The following KCNAB2 variants were observed in gnomAD, a reference collection of about 807,000 sequenced individuals.
The protein encoded by KCNAB2 is voltage-gated potassium channel subunit beta-2.
A neutral mutation model predicts 63.6 loss-of-function variants in KCNAB2; 29 were observed. The observed-to-expected ratio is 0.46, with a 90% CI of 0.34 to 0.62. KCNAB2 has a LOEUF of 0.62. Ranked by LOEUF, KCNAB2 falls within the 20% of genes least tolerant of loss-of-function variation. KCNAB2 has a pLI of 0.01. For missense variants in KCNAB2, 359 were observed against 563.9 expected, an observed-to-expected ratio of 0.64 and a Z score of 3.68; for synonymous variants, 222 against 224.2, an observed-to-expected ratio of 0.99 and a Z score of 0.09.
intron 1 of KCNAB2, chr1:6,026,272 G>T (rs539173172): frequency 1.1e-4 from 16 of 152,222 alleles, no homozygotes; most frequent in Admixed American, 1.0e-3. Flanking sequence ...GGGCCCTGGC[G>T]CGCCAGGCTT....
rs922736222 is a variant in KCNAB2 at position 6,051,754 on chromosome 1, G to C, written c.218G>C (p.Arg73Pro). The C allele has an allele frequency of 1.3e-6, 2 of 1,528,816 alleles. No homozygotes were observed. The highest frequency in any genetic ancestry group is 2.0e-5 in the Admixed American group (1 of 50,838). The allele number at this position is 1,528,816 out of a possible 1,614,324, so 94.7% of individuals were successfully genotyped here. A position where few individuals can be genotyped will look rare whatever the true frequency, so the allele number is the denominator to read the frequency against. The stretch of plus-strand genomic sequence containing the variant: ...GCCCAGCGCACAGGCATGAAGTATC[G>C]GTAAGGGCCGGGCAGGGGGGCGGTG... The part of the protein sequence containing the change: ...CTAQRTGMKY[R>P]NLGKSGLRVS... Residue 73 changes from arginine (R) to proline (P), a missense_variant and splice_region_variant, in exon 2 of 16, where the codon CGG (arginine) becomes CCG (proline). Around this residue, in one of 2 missense-constraint regions of KCNAB2, gnomAD observed 271 missense variants for 476.1 expected, o/e 0.57. Coordinates refer to ENST00000378083, the MANE Select transcript of KCNAB2 (RefSeq NM_001199862.2).
At chr1:6,044,795 A>T (rs543403391), upstream of KCNAB2, among the ~76,000 whole-genome samples, 22 of 152,302 alleles carry the variant, frequency 1.4e-4, no homozygotes, top group African/African-American at 4.8e-4. Flanking sequence ...GAGCTCCAGG[A>T]ACTGCACAGA....
chr1:6,050,749 A>G (rs1021567626), intron 1 of KCNAB2, among the ~76,000 whole-genome samples: 1 of 152,230 alleles, frequency 6.6e-6, no homozygotes, highest in African/African-American at 2.4e-5. Context: ...TTCTTCACAT[A>G]GAAACTTTGA....
Position 6,071,642 on chromosome 1 carries a change from G to A in KCNAB2, c.219-1113G>A, listed in dbSNP as rs968037355. ...GACAAGCAAGGCGCCTGCTGCGTAGGGCACCTGCCGCTTAGGACTCCTGCC... is the reference window on the plus strand; with the variant it reads ...GACAAGCAAGGCGCCTGCTGCGTAGAGCACCTGCCGCTTAGGACTCCTGCC... On this transcript the variant is annotated intron_variant, in intron 2 of 15. Coordinates refer to ENST00000378083, the MANE Select transcript of KCNAB2 (RefSeq NM_001199862.2). The surrounding 1 kb of genome is among the most constrained non-coding windows in gnomAD (Gnocchi z 8.5). Among the ~76,000 whole-genome samples the A allele has an allele frequency of 6.6e-6, 1 of 152,200 alleles. No homozygotes were observed. The highest frequency in any genetic ancestry group is 1.9e-4 in the East Asian group (1 of 5,190).
At chr1:6,030,838 G>A (rs1207343489), upstream of KCNAB2, among the ~76,000 whole-genome samples, 1 of 151,656 alleles carries the variant, frequency 6.6e-6, no homozygotes, top group Non-Finnish European at 1.5e-5. Flanking sequence ...GTAAGTATAT[G>A]TGTGTAGGTA....
Position 6,087,355 on chromosome 1 carries a change from TG to T in KCNAB2, c.426-109del. 8.5e-7 allele frequency: 1 copy of T among 1,182,446 alleles called. No individual in the cohort carries two copies. The highest frequency in any genetic ancestry group is 1.3e-6 in the Non-Finnish European group (1 of 789,442). 73.2% of individuals were successfully genotyped at this position (1,182,446 alleles called of 1,614,324 possible). ...GTGCCCATTTCATGCCCCAGGCTCC[TG>T]GGTGGGAGGGCTTTCAGGACCTCTG... On this transcript the variant is annotated intron_variant, in intron 6 of 15. Transcript: ENST00000378083. This position sits in a 1 kb window ranked among gnomAD's most constrained non-coding sequence, Gnocchi z 6.4.
rs78647333 is a variant in KCNAB2 at position 6,068,675 on chromosome 1, C to T, written c.219-4080C>T. Among the ~76,000 whole-genome samples, 309 of 152,296 alleles carry T rather than the reference C, an allele frequency of 2.0e-3. 1 individual carries two copies. Among genetic ancestry groups the T allele is most frequent in the African/African-American group, 7.1e-3 (296 of 41,556 alleles). On this transcript the variant is annotated intron_variant, in intron 2 of 15. Coordinates refer to ENST00000378083, the MANE Select transcript of KCNAB2 (RefSeq NM_001199862.2). Reference sequence around the variant, plus strand: ...CCGGGCCTCTCCCATCCCACTCATGCGGTACCTGCGTCATGAGTTGCTGCA... The same window carrying T: ...CCGGGCCTCTCCCATCCCACTCATGTGGTACCTGCGTCATGAGTTGCTGCA...
intron 13 of KCNAB2, 68 bp downstream of exon 13, chr1:6,095,692 G>A: frequency 6.9e-7 from 1 of 1,454,668 alleles, no homozygotes; most frequent in Non-Finnish European, 9.6e-7. Context: ...GGACCTTTGG[G>A]CCGACTGCTT....
At chr1:6,091,505 C>T (rs749511368) in intron 10 of KCNAB2, among the ~76,000 whole-genome samples, 198 bp downstream of exon 10, 88 of 152,230 alleles carry the variant, frequency 5.8e-4, no homozygotes, top group Non-Finnish European at 7.9e-4. Context: ...CGCCCCCAGC[C>T]CCCCATCCCC....
chr1:6,049,063 G>A (rs1661178269), intron 1 of KCNAB2, among the ~76,000 whole-genome samples: 1 of 152,248 alleles, frequency 6.6e-6, no homozygotes, highest in African/African-American at 2.4e-5. Flanking sequence ...ATAGAAATGA[G>A]CAGTGGTGAA....
intron 2 of KCNAB2, among the ~76,000 whole-genome samples, chr1:6,059,166 C>T (rs975770359): frequency 7.2e-5 from 11 of 151,902 alleles, no homozygotes; most frequent in Admixed American, 3.3e-4. Context: ...ACAGGAATCA[C>T]GGGCCATACC....
Position 6,096,575 on chromosome 1 carries a change from G to C in KCNAB2, c.949-61G>C. The C allele has an allele frequency of 6.4e-7, 1 of 1,558,466 alleles. No homozygotes were observed. Among genetic ancestry groups the C allele is most frequent in the South Asian group, 1.2e-5 (1 of 84,400 alleles). Reference sequence around the variant, plus strand: ...GAATGAGCCCATCGGCCCCCTGCACGTGGGGGTCCAGGTGACCTGCTCTCA... The same window carrying C: ...GAATGAGCCCATCGGCCCCCTGCACCTGGGGGTCCAGGTGACCTGCTCTCA... On this transcript the variant is annotated intron_variant, in intron 13 of 15. Transcript: ENST00000378083. The surrounding 1 kb of genome is among the most constrained non-coding windows in gnomAD (Gnocchi z 5.9).
chr1:6,023,695 C>A (rs1272292054), intron 1 of KCNAB2, among the ~76,000 whole-genome samples: 1 of 152,082 alleles, frequency 6.6e-6, no homozygotes, highest in Non-Finnish European at 1.5e-5. Flanking sequence ...ATATTAATTC[C>A]TTATCAGATA....
upstream of KCNAB2, among the ~76,000 whole-genome samples, chr1:6,030,517 G>A (rs1659514703): frequency 6.7e-6 from 1 of 149,626 alleles, no homozygotes; most frequent in Non-Finnish European, 1.5e-5. Context: ...TGTTATGTAT[G>A]TATGTGTGTA....
At chr1:6,019,911 C>T (rs111766437) in intron 1 of KCNAB2, among the ~76,000 whole-genome samples, 2,023 of 152,278 alleles carry the variant, frequency 0.013, 21 homozygotes, top group Middle Eastern at 0.044. Flanking sequence ...TGTCAATCTC[C>T]GGAGGGCGGA....
Position 6,003,285 on chromosome 1 carries a change from C to T in KCNAB2, c.-53+10497C>T, listed in dbSNP as rs1340666842. 6.6e-6 allele frequency among the ~76,000 whole-genome samples: 1 copy of T among 152,204 alleles called. No individual in the cohort carries two copies. Among genetic ancestry groups the T allele is most frequent in the Non-Finnish European group, 1.5e-5 (1 of 68,036 alleles). ...GCCTCCTGCGGGATTCCCCATCCCA[C>T]CCCTGGAACTTGCTTTCCCTGCTTC... On this transcript the variant is annotated intron_variant, in intron 1 of 16. Transcript: ENST00000341524. The surrounding 1 kb of genome is among the most constrained non-coding windows in gnomAD (Gnocchi z 4.1).
chr1:6,011,704 G>A (rs1321911611), intron 1 of KCNAB2, among the ~76,000 whole-genome samples: 1 of 152,258 alleles, frequency 6.6e-6, no homozygotes, highest in Non-Finnish European at 1.5e-5. Context: ...TGACAACCAT[G>A]GTCCAGGCAG....
rs77922605 is a variant in KCNAB2, at chr1:6,082,300, A to C, written c.380+26A>C. 3.1e-3 allele frequency: 4,940 copies of C among 1,588,464 alleles called. 127 individuals carry two copies. In the African/African-American group the frequency reaches 0.059, roughly 19 times the overall value. On this transcript the variant is annotated intron_variant, in intron 5 of 15. Transcript: ENST00000378083. ...GTACGTGTCTTTTCACACGGGAAAA[A>C]GTGGTTCAGAATGCCTGGGCAGAGC...
chr1:6,085,320 G>A (rs36032813), intron 6 of KCNAB2, 72 bp downstream of exon 6: 34,418 of 1,393,646 alleles, frequency 0.025, 538 homozygotes, highest in African/African-American at 0.053. Flanking sequence ...CAGCCTCGTC[G>A]GCCTGTCGTG....
Sources: allele counts gnomAD v4.1 joint callset (sites outside exome capture counted in the v4.1 genomes callset), GRCh38; gene constraint gnomAD v4.1.1; regional missense constraint gnomAD v4.1.1; non-coding constraint Gnocchi (gnomAD v3.1); transcripts MANE v1.5; gene names NCBI Gene and HGNC (gene_info 2026-07-23, HGNC 2026-07-21).